GDPD5: variants seen among roughly 807,000 people sequenced by gnomAD.
GDPD5 encodes the protein glycerophosphodiester phosphodiesterase 2.
In GDPD5, 48 loss-of-function variants were observed where a neutral mutation model predicts 75.1. The observed-to-expected ratio is 0.64, with a 90% CI of 0.51 to 0.81. The LOEUF is 0.81. Ranked by LOEUF, GDPD5 falls within the 40% of genes least tolerant of loss-of-function variation. GDPD5 has a pLI of 0.00. For missense variants in GDPD5, 706 were observed against 822.6 expected, an observed-to-expected ratio of 0.86 and a Z score of 1.73; for synonymous variants, 336 against 339.0, an observed-to-expected ratio of 0.99 and a Z score of 0.10.
intron 1 of GDPD5, among the ~76,000 whole-genome samples, chr11:75,512,222 A>G (rs1950535488): frequency 6.7e-6 from 1 of 149,640 alleles, no homozygotes; most frequent in East Asian, 2.0e-4. Context: ...AACCAATTCT[A>G]GTAAGGTCAA....
chr11:75,491,151 C>A (rs1332972699), intron 1 of GDPD5, among the ~76,000 whole-genome samples: 1 of 152,316 alleles, frequency 6.6e-6, no homozygotes, highest in East Asian at 1.9e-4. Flanking sequence ...ACCAAACACA[C>A]ACCTCTGTGT....
At chr11:75,448,640 C>G in intron 9 of GDPD5, 1 of 1,062,638 alleles carries the variant, frequency 9.4e-7, no homozygotes, top group Non-Finnish European at 1.1e-6. Context: ...CTGGAGGGTT[C>G]TCCTGATGCC....
At position 75,435,419 on chromosome 11, in the gene GDPD5, A is replaced by G. The variant is rs1383565325; in HGVS notation, c.*88T>C. The G allele has an allele frequency of 1.6e-6, 2 of 1,289,024 alleles. No homozygotes were observed. Among genetic ancestry groups the G allele is most frequent in the East Asian group, 4.8e-5 (2 of 41,280 alleles). The allele number at this position is 1,289,024 out of a possible 1,614,324, so 79.8% of individuals were successfully genotyped here. On this transcript the variant is annotated 3_prime_UTR_variant, in exon 17 of 17. Transcript: ENST00000336898. ...AGGAGGCTGTGGAGCCCGCTCCCAG[A>G]GCACTCCGAGTTCAGACACACTTCC...
rs1949096495 is a variant in GDPD5 at position 75,449,992 on chromosome 11, G to T, written c.376-9C>A. 1.9e-6 allele frequency: 3 copies of T among 1,612,082 alleles called. No homozygotes were observed. Among genetic ancestry groups the T allele is most frequent in the Non-Finnish European group, 2.5e-6 (3 of 1,178,904 alleles). On this transcript the variant is annotated splice_polypyrimidine_tract_variant and intron_variant, in intron 6 of 16. Transcript: ENST00000336898. ...ATGACCACCAGCCCGATCTGGAGGG[G>T]GAAGAGTCACCGGACAGAGGCTCAG...
intron 2 of GDPD5, among the ~76,000 whole-genome samples, chr11:75,488,497 G>T (rs1270117347): frequency 6.6e-5 from 10 of 152,076 alleles, no homozygotes; most frequent in Admixed American, 6.5e-4. Flanking sequence ...GAGTACAGTG[G>T]AGACTTGTAC....
intron 2 of GDPD5, among the ~76,000 whole-genome samples, chr11:75,482,745 G>A (rs1949946230): frequency 6.6e-6 from 1 of 152,216 alleles, no homozygotes; most frequent in Admixed American, 6.5e-5. Flanking sequence ...AGTGTCAGAT[G>A]TTCCCTCCTC....
rs200320503 is a variant in GDPD5 at position 75,444,431 on chromosome 11, T to C, written c.779A>G (p.Gln260Arg). 1.9e-6 allele frequency: 3 copies of C among 1,613,266 alleles called. No individual in the cohort carries two copies. Among genetic ancestry groups the C allele is most frequent in the Non-Finnish European group, 2.5e-6 (3 of 1,179,504 alleles). Residue 260 changes from glutamine to arginine, a missense_variant, in exon 10 of 17, where the codon CAG (glutamine) becomes CGG (arginine). Coordinates refer to ENST00000336898, the MANE Select transcript of GDPD5 (RefSeq NM_030792.8). Reference sequence around the variant, plus strand: ...CACCTACCTGATGGTAATGTCAGCCTGGAGCCCGTACAGCTTCTGCTCGAG... The same window carrying C: ...CACCTACCTGATGGTAATGTCAGCCCGGAGCCCGTACAGCTTCTGCTCGAG... Reference protein sequence around the residue: ...KALEQKLYGLQADITISLDGV... With the variant: ...KALEQKLYGLRADITISLDGV...
At chr11:75,507,699 C>T (rs1448321696) in intron 1 of GDPD5, among the ~76,000 whole-genome samples, 4 of 152,220 alleles carry the variant, frequency 2.6e-5, no homozygotes, top group Non-Finnish European at 5.9e-5. Context: ...CCAAGGCTGG[C>T]CAGTGGAGCA....
In GDPD5 at chr11:75,442,442, G is replaced by T; in HGVS notation, c.1088C>A (p.Pro363His). The change falls in exon 12 of 17, where the codon CCC (proline) becomes CAC (histidine). Residue 363 changes from proline (P) to histidine (H), a missense_variant. Transcript: ENST00000336898. Reference protein sequence around the residue: ...ATLLLNLRDPPREHPYRSSFI... With the variant: ...ATLLLNLRDPHREHPYRSSFI... ...ACTGCTGCGGTAGGGGTGCTCCCGG[G>T]GCGGGTCACGCAGGTTGAGCAGCAG... is the stretch of plus-strand genomic sequence containing the variant. 6.2e-7 allele frequency: 1 copy of T among 1,612,284 alleles called. No individual in the cohort carries two copies.
At chr11:75,488,957 A>G (rs1405477300) in intron 2 of GDPD5, among the ~76,000 whole-genome samples, 1 of 152,164 alleles carries the variant, frequency 6.6e-6, no homozygotes, top group Non-Finnish European at 1.5e-5. Context: ...TGTCCTTGCT[A>G]GAAGAGTCAC....
At chr11:75,444,786 G>GCTAT (rs1363621626) in intron 9 of GDPD5, among the ~76,000 whole-genome samples, 1 of 152,176 alleles carries the variant, frequency 6.6e-6, no homozygotes, top group African/African-American at 2.4e-5. Context: ...ACACATGGTA[G>GCTAT]CTATGGTCAC....
intron 3 of GDPD5, among the ~76,000 whole-genome samples, chr11:75,476,340 T>C (rs1487829647): frequency 6.6e-6 from 1 of 151,704 alleles, no homozygotes; most frequent in Non-Finnish European, 1.5e-5. Flanking sequence ...CCTCATCACA[T>C]GTCATGGCCC....
rs1476985584 is a variant in GDPD5, at chr11:75,442,530, CCT to C, written c.998_999del (p.Glu333GlyfsTer28). ...ASSLSPSDHR[E>X]AQNQSICSLA... ...AGGCTGCAGATGGACTGGTTCTGGG[CCT>C]CTCTGTGGTCGGAGGGTGACAGGGA... is the stretch of plus-strand genomic sequence containing the variant. On this transcript the variant is annotated frameshift_variant, in exon 12 of 17. Coordinates refer to ENST00000336898, the MANE Select transcript of GDPD5 (RefSeq NM_030792.8). LOFTEE classifies it high-confidence loss of function. 2 of 1,614,026 alleles carry C rather than the reference CCT, an allele frequency of 1.2e-6. No individual in the cohort carries two copies. The highest frequency in any genetic ancestry group is 1.7e-6 in the Non-Finnish European group (2 of 1,180,044).
chr11:75,500,822 A>T (rs546823209), intron 1 of GDPD5, among the ~76,000 whole-genome samples: 4 of 152,104 alleles, frequency 2.6e-5, no homozygotes, highest in Non-Finnish European at 5.9e-5. Flanking sequence ...CAAACCCGCC[A>T]GTGCCATCTG....
At chr11:75,440,446 T>C (rs1192043492) in intron 14 of GDPD5, among the ~76,000 whole-genome samples, 1 of 152,244 alleles carries the variant, frequency 6.6e-6, no homozygotes, top group Non-Finnish European at 1.5e-5. Context: ...ACCCTCCACC[T>C]GCCTTCTGCA....
intron 3 of GDPD5, among the ~76,000 whole-genome samples, chr11:75,471,316 A>C (rs916027831): frequency 6.6e-6 from 1 of 152,186 alleles, no homozygotes; most frequent in Non-Finnish European, 1.5e-5. Flanking sequence ...ATATTGCAGC[A>C]TTAGGGCCGA....
chr11:75,509,371 A>G (rs1475920179), intron 1 of GDPD5, among the ~76,000 whole-genome samples: 1 of 152,222 alleles, frequency 6.6e-6, no homozygotes, highest in African/African-American at 2.4e-5. Flanking sequence ...CGACTTGTAC[A>G]TAATTCAGAG....
chr11:75,477,824 CA>C (rs1949813028), intron 2 of GDPD5, 29 bp from the exon 3 acceptor site: 1 of 873,486 alleles, frequency 1.1e-6, no homozygotes, highest in Admixed American at 2.6e-5. Flanking sequence ...GGCAGTGAGG[CA>C]GGGGAAGGGT....
intron 3 of GDPD5, among the ~76,000 whole-genome samples, chr11:75,473,703 G>A (rs1182202781): frequency 2.0e-5 from 3 of 152,010 alleles, no homozygotes; most frequent in Non-Finnish European, 2.9e-5. Flanking sequence ...ACCCTTCCCC[G>A]TCCCTGCACC....
Sources: gnomAD v4.1 joint callset for allele counts (sites outside exome capture counted in the v4.1 genomes callset) on GRCh38, gnomAD v4.1.1 for gene constraint, MANE v1.5 for transcripts, NCBI Gene and HGNC (gene_info 2026-07-23, HGNC 2026-07-21) for gene names.